GNAS: variants seen among roughly 807,000 people sequenced by gnomAD.
GNAS encodes protein ALEX.
A neutral mutation model predicts 54.5 loss-of-function variants in GNAS; 8 were observed. That is an observed-to-expected ratio of 0.15 (90% CI 0.09 to 0.26). The LOEUF (loss-of-function observed/expected upper bound fraction) is 0.26, where lower values mean the gene tolerates loss of function less well. Among genes scored for constraint, GNAS ranks in the 10% least tolerant of loss-of-function variants. The pLI is 1.00. For synonymous variants in GNAS, 204 were observed against 191.4 expected (o/e 1.07, Z -0.54); for missense variants, 170 against 529.8 (o/e 0.32, Z 6.67).
Position 58,898,984 on chromosome 20 carries a change from G to A in GNAS, c.256G>A (p.Gly86Ser), listed in dbSNP as rs1327417712. The change falls in exon 3 of 13, where the codon GGT becomes AGT. Residue 86 changes from glycine (G) to serine (S), a missense_variant and splice_region_variant. Gly to Ser is a moderately conservative substitution (Grantham distance 56). Coordinates refer to ENST00000371085, the MANE Select transcript of GNAS (RefSeq NM_000516.7). ...GCAGGCTGCAAGGAGCAACAGCGAT[G>A]GGTAGGCACATTCAAAACCAGAAAA... Reference protein sequence around the residue: ...DPQAARSNSDGEKATKVQDIK... With the variant: ...DPQAARSNSDSEKATKVQDIK... The A allele has an allele frequency of 9.9e-6, 16 of 1,611,994 alleles. No individual in the cohort carries two copies. Among genetic ancestry groups the A allele is most frequent in the Non-Finnish European group, 1.3e-5 (15 of 1,178,064 alleles).
At position 58,863,665 on chromosome 20, in the gene GNAS, C is replaced by A. The variant is rs1226794838; in HGVS notation, c.43+22779C>A. On this transcript the variant is annotated intron_variant, in intron 1 of 12. Transcript: ENST00000306090. The surrounding 1 kb of genome is among the most constrained non-coding windows in gnomAD (Gnocchi z 4.1). Reference sequence around the variant, plus strand: ...CTCAGTGTCACCACTGAGTGAGCATCGATTCTTACAAGGAAATTAAGACTT... The same window carrying A: ...CTCAGTGTCACCACTGAGTGAGCATAGATTCTTACAAGGAAATTAAGACTT... 3 of 152,318 alleles carry A rather than the reference C, an allele frequency of 2.0e-5. No individual in the cohort carries two copies. The highest frequency in any genetic ancestry group is 4.4e-5 in the Non-Finnish European group (3 of 68,038). 9.4% of individuals were successfully genotyped at this position (152,318 alleles called of 1,614,324 possible). A position where few individuals can be genotyped will look rare whatever the true frequency, so the allele number is the denominator to read the frequency against.
intron 2 of GNAS, among the ~76,000 whole-genome samples, chr20:58,896,903 C>CAA: frequency 6.6e-6 from 1 of 151,976 alleles, no homozygotes; most frequent in East Asian, 1.9e-4. Context: ...ACAAAACAAA[C>CAA]AAAAAAACCT....
Position 58,903,424 on chromosome 20 carries a change from C to G in GNAS, c.258-107C>G. The G allele has an allele frequency of 4.1e-6, 4 of 967,952 alleles. No individual in the cohort carries two copies. In the Middle Eastern group the frequency reaches 8.5e-4, roughly 205 times the overall value. 60.0% of individuals were successfully genotyped at this position (967,952 alleles called of 1,614,324 possible). On this transcript the variant is annotated intron_variant, in intron 3 of 12. Transcript: ENST00000371085. ...TGCACAGATCCGAACCCACAACTCC[C>G]TGAAGAACAGAATACTATGCTTTTT...
chr20:58,854,070 G>A lies in GNAS; in HGVS notation c.43+13184G>A, dbSNP rs757489289. The A allele has an allele frequency of 1.8e-5, 29 of 1,611,582 alleles. 1 individual carries two copies. Among genetic ancestry groups the A allele is most frequent in the Middle Eastern group, 1.6e-4 (1 of 6,076 alleles). On this transcript the variant is annotated intron_variant, in intron 1 of 12. Coordinates refer to the GNAS transcript ENST00000306090. The stretch of plus-strand genomic sequence containing the variant: ...CTCGAGTGCGGTCCGCCTCACTCCC[G>A]CCGCGAACGCGCCTCCCCTCTGGGT...
intron 1 of GNAS, among the ~76,000 whole-genome samples, chr20:58,867,327 C>G (rs2087124120): frequency 6.6e-6 from 1 of 152,182 alleles, no homozygotes; most frequent in Non-Finnish European, 1.5e-5. Context: ...TTTTGTTTTG[C>G]AAAACAAATG....
intron 1 of GNAS, among the ~76,000 whole-genome samples, chr20:58,868,077 G>C (rs1004896824): frequency 6.7e-6 from 1 of 149,774 alleles, no homozygotes; most frequent in African/African-American, 2.5e-5. Context: ...CTGGAGTGAA[G>C]TGGCATGATC....
Position 58,841,726 on chromosome 20 carries a change from G to C in GNAS, c.43+840G>C. 1 of 1,223,694 alleles carries C rather than the reference G, an allele frequency of 8.2e-7. No homozygotes were observed. The allele number at this position is 1,223,694 out of a possible 1,614,324, so 75.8% of individuals were successfully genotyped here. On this transcript the variant is annotated intron_variant, in intron 1 of 12. Transcript: ENST00000306090. This position sits in a 1 kb window ranked among gnomAD's most constrained non-coding sequence, Gnocchi z 5.0. Reference sequence around the variant, plus strand: ...GGGGATGCCCCTACGGGCTACCAGGGTTGAACGCACAGGCATGGTCACGTC... The same window carrying C: ...GGGGATGCCCCTACGGGCTACCAGGCTTGAACGCACAGGCATGGTCACGTC...
intron 3 of GNAS, chr20:58,903,065 A>C: frequency 3.1e-6 from 1 of 321,792 alleles, no homozygotes; most frequent in South Asian, 2.7e-5. Context: ...AAACACCACC[A>C]CCTGTGCTCA....
chr20:58,894,083 A>C (rs2089799114), intron 1 of GNAS, among the ~76,000 whole-genome samples: 1 of 152,236 alleles, frequency 6.6e-6, no homozygotes, highest in Non-Finnish European at 1.5e-5. Context: ...GAAACCTAAT[A>C]ATGCCCCAAA....
Position 58,857,674 on chromosome 20 carries a change from G to A in GNAS, c.43+16788G>A, listed in dbSNP as rs2086576597. Among the ~76,000 whole-genome samples the A allele has an allele frequency of 6.6e-6, 1 of 152,142 alleles. No individual in the cohort carries two copies. On this transcript the variant is annotated intron_variant, in intron 1 of 12. Coordinates refer to the GNAS transcript ENST00000306090. The surrounding 1 kb of genome is among the most constrained non-coding windows in gnomAD (Gnocchi z 4.1). ...TCTATTCTTCCTGGAGGTGGGGGGTGGAGGAGACACAGTCTACTTACATCA... is the reference window on the plus strand; with the variant it reads ...TCTATTCTTCCTGGAGGTGGGGGGTAGAGGAGACACAGTCTACTTACATCA...
upstream of GNAS, chr20:58,889,094 G>T: frequency 3.2e-5 from 34 of 1,072,892 alleles, no homozygotes; most frequent in Non-Finnish European, 3.9e-5. Flanking sequence ...TCGGTTTATA[G>T]GGGCCGCTGC....
At chr20:58,860,718 G>A (rs1442497899) in intron 1 of GNAS, among the ~76,000 whole-genome samples, 1 of 152,164 alleles carries the variant, frequency 6.6e-6, no homozygotes, top group Non-Finnish European at 1.5e-5. Context: ...CTGGAGTGCA[G>A]TGGTACTATC....
In GNAS at chr20:58,853,237, A is replaced by C. The variant is rs936117600; in HGVS notation, c.43+12351A>C. 1 of 1,519,678 alleles carries C rather than the reference A, an allele frequency of 6.6e-7. No homozygotes were observed. The highest frequency in any genetic ancestry group is 1.2e-5 in the South Asian group (1 of 81,342). 94.1% of individuals were successfully genotyped at this position (1,519,678 alleles called of 1,614,324 possible). On this transcript the variant is annotated intron_variant, in intron 1 of 12. Coordinates refer to the GNAS transcript ENST00000306090. This position sits in a 1 kb window ranked among gnomAD's most constrained non-coding sequence, Gnocchi z 4.4. ...GGGTGCTCCATCTTACGGAGCCCCAAACTTATTTTGAGAGGCCGCCACCGT... is the reference window on the plus strand; with the variant it reads ...GGGTGCTCCATCTTACGGAGCCCCACACTTATTTTGAGAGGCCGCCACCGT...
At chr20:58,892,187 C>G in intron 1 of GNAS, 1 of 975,440 alleles carries the variant, frequency 1.0e-6, no homozygotes, top group Non-Finnish European at 1.2e-6. Context: ...TTCCGCGAGG[C>G]CTACACGACG....
intron 1 of GNAS, 110 bp downstream of exon 1, chr20:58,891,975 C>G: frequency 1.3e-6 from 1 of 771,450 alleles, no homozygotes; most frequent in Non-Finnish European, 1.6e-6. Context: ...TCCCGAGCCC[C>G]CCGCCCGTTC....
At position 58,891,430 on chromosome 20, in the gene GNAS, C is replaced by CGCA; in HGVS notation, c.-294_-292dup. 1 of 446,286 alleles carries CGCA rather than the reference C, an allele frequency of 2.2e-6. No individual in the cohort carries two copies. The highest frequency in any genetic ancestry group is 3.0e-6 in the Non-Finnish European group (1 of 338,964). 27.6% of individuals were successfully genotyped at this position (446,286 alleles called of 1,614,324 possible). ...CGGCGGCAGCGGCGGCAGCAGCTCC[C>CGCA]GCAGCTCCTGCTCTGGTCCGCCTCG... On this transcript the variant is annotated 5_prime_UTR_variant, in exon 1 of 13. Coordinates refer to ENST00000371085, the MANE Select transcript of GNAS (RefSeq NM_000516.7).
Position 58,909,437 on chromosome 20 carries a change from T to TA in GNAS, c.659+15dup, listed in dbSNP as rs1480943908. On this transcript the variant is annotated intron_variant, in intron 8 of 12. Coordinates refer to ENST00000371085, the MANE Select transcript of GNAS (RefSeq NM_000516.7). The surrounding 1 kb of genome is among the most constrained non-coding windows in gnomAD (Gnocchi z 7.3). ...AGTCAACTTCCAGTAAGCCAACTGTTACCTTTTTATATAACAGAGATCATG... is the reference window on the plus strand; with the variant it reads ...AGTCAACTTCCAGTAAGCCAACTGTTAACCTTTTTATATAACAGAGATCATG... 1.2e-6 allele frequency: 2 copies of TA among 1,611,518 alleles called. No individual in the cohort carries two copies. The highest frequency in any genetic ancestry group is 1.3e-5 in the African/African-American group (1 of 74,860).
In GNAS at chr20:58,909,319, G is replaced by GT; in HGVS notation, c.586-30dup. The GT allele has an allele frequency of 6.3e-7, 1 of 1,597,092 alleles. No individual in the cohort carries two copies. The highest frequency in any genetic ancestry group is 8.6e-7 in the Non-Finnish European group (1 of 1,164,444). On this transcript the variant is annotated intron_variant, in intron 7 of 12. Transcript: ENST00000371085. This position sits in a 1 kb window ranked among gnomAD's most constrained non-coding sequence, Gnocchi z 7.3. ...ATTATTACTGTTTCGGTTGGCTTTG[G>GT]TGAGATCCATTGACCTCAATTTTGT...
chr20:58,840,900 C>A lies in GNAS; in HGVS notation c.43+14C>A, dbSNP rs1373501209. On this transcript the variant is annotated intron_variant, in intron 1 of 12. Coordinates refer to the GNAS transcript ENST00000306090. This position sits in a 1 kb window ranked among gnomAD's most constrained non-coding sequence, Gnocchi z 6.0. ...TCATGGATTCAGGTTAGTTGCCCAC[C>A]GCTAAACTGGGGAGCCTGAGGGCGG... is the stretch of plus-strand genomic sequence containing the variant. 10 of 1,611,894 alleles carry A rather than the reference C, an allele frequency of 6.2e-6. No individual in the cohort carries two copies. Among genetic ancestry groups the A allele is most frequent in the South Asian group, 1.1e-5 (1 of 90,888 alleles).
Sources: gnomAD v4.1 joint callset for allele counts (sites outside exome capture counted in the v4.1 genomes callset) on GRCh38, gnomAD v4.1.1 for gene constraint, Gnocchi (gnomAD v3.1) non-coding constraint, MANE v1.5 for transcripts, NCBI Gene and HGNC (gene_info 2026-07-23, HGNC 2026-07-21) for gene names.